The following CUBN variants were observed in gnomAD, a reference collection of about 807,000 sequenced individuals.
CUBN encodes cubilin.
In CUBN, 282 loss-of-function variants were observed where a neutral mutation model predicts 405.3. The ratio of observed to expected loss-of-function variants is 0.70; its 90% confidence interval spans 0.63 to 0.77. The LOEUF is 0.77. CUBN is among the 30% of genes least tolerant of loss of function. The probability of loss-of-function intolerance (pLI) is 0.00; values close to 1 mark genes in which losing one functional copy is unlikely to be tolerated. For synonymous variants in CUBN, 1,684 were observed against 1,617.0 expected (o/e 1.04, Z -0.99); for missense variants, 4,514 against 4,475.2 (o/e 1.01, Z -0.25).
At chr10:16,888,969 T>C (rs1395841279) in intron 55 of CUBN, among the ~76,000 whole-genome samples, 1 of 152,242 alleles carries the variant, frequency 6.6e-6, no homozygotes, top group African/African-American at 2.4e-5. Context: ...AATGTCTTAT[T>C]ATTAGAAAAC....
In CUBN at chr10:16,863,868, G is replaced by C. The variant is rs60931778; in HGVS notation, c.9454+5768C>G. Among the ~76,000 whole-genome samples, 515 of 152,156 alleles carry C rather than the reference G, an allele frequency of 3.4e-3. 5 individuals carry two copies. The highest frequency in any genetic ancestry group is 0.012 in the African/African-American group (499 of 41,492). ...CTGTCTTCATTTAACGTGTTTGAGAGACATTTTCCAGATGTTAAGGTAACA... is the reference window on the plus strand; with the variant it reads ...CTGTCTTCATTTAACGTGTTTGAGACACATTTTCCAGATGTTAAGGTAACA... On this transcript the variant is annotated intron_variant, in intron 59 of 66. Transcript: ENST00000377833.
chr10:17,017,554 G>A (rs1029829967), intron 28 of CUBN, among the ~76,000 whole-genome samples: 1 of 152,154 alleles, frequency 6.6e-6, no homozygotes, highest in Non-Finnish European at 1.5e-5. Context: ...GATGCCTTTT[G>A]TCCTCACTTA....
At chr10:16,872,570 T>C (rs1411172971) in intron 58 of CUBN, among the ~76,000 whole-genome samples, 1 of 152,142 alleles carries the variant, frequency 6.6e-6, no homozygotes, top group Non-Finnish European at 1.5e-5. Flanking sequence ...TTCCAGCTCA[T>C]GAAGACACAG....
intron 56 of CUBN, among the ~76,000 whole-genome samples, chr10:16,886,414 A>G (rs1315633992): frequency 6.6e-6 from 1 of 152,248 alleles, no homozygotes. Context: ...AATTTCGAAT[A>G]TACCGAGGTA....
chr10:16,841,037 C>G lies in CUBN; in HGVS notation c.9674G>C (p.Gly3225Ala). Residue 3225 changes from glycine (G) to alanine (A), a missense_variant, in exon 61 of 67, where the codon GGG becomes GCG. Coordinates refer to ENST00000377833, the MANE Select transcript of CUBN (RefSeq NM_001081.4). ...CLYDYVKLYD[G>A]DSENANLAGT... ...AGCCAAGTTCGCATTTTCACTATCC[C>G]CATCATATAACTGAGAAGAAAAACA... 2 of 1,613,930 alleles carry G rather than the reference C, an allele frequency of 1.2e-6. No homozygotes were observed. The highest frequency in any genetic ancestry group is 8.5e-7 in the Non-Finnish European group (1 of 1,179,914).
At chr10:16,946,166 T>A (rs1026406904) in intron 36 of CUBN, among the ~76,000 whole-genome samples, 1 of 152,192 alleles carries the variant, frequency 6.6e-6, no homozygotes, top group Non-Finnish European at 1.5e-5. Context: ...TAAATTTCAA[T>A]TCAAAACGGC....
intron 66 of CUBN, among the ~76,000 whole-genome samples, chr10:16,827,790 G>A (rs1330392649): frequency 6.6e-6 from 1 of 152,178 alleles, no homozygotes; most frequent in Non-Finnish European, 1.5e-5. Context: ...TAGTAGAGAC[G>A]GGGTTTCCCC....
chr10:17,049,740 C>A (rs11254343), intron 22 of CUBN, among the ~76,000 whole-genome samples: 4,140 of 152,224 alleles, frequency 0.027, 199 homozygotes, highest in African/African-American at 0.096. Context: ...ACAACCCCTG[C>A]CAATACACAG....
intron 39 of CUBN, among the ~76,000 whole-genome samples, chr10:16,936,779 C>A (rs1040127507): frequency 3.3e-5 from 5 of 152,184 alleles, no homozygotes; most frequent in Non-Finnish European, 5.9e-5. Context: ...GTGGCATGTT[C>A]TCGGCTCACT....
Position 16,835,165 on chromosome 10 carries a change from C to T in CUBN, c.10211G>A (p.Gly3404Asp), listed in dbSNP as rs1158987442. 1 of 1,613,902 alleles carries T rather than the reference C, an allele frequency of 6.2e-7. No individual in the cohort carries two copies. The highest frequency in any genetic ancestry group is 1.3e-5 in the African/African-American group (1 of 74,884). The change falls in exon 64 of 67, where the codon GGC becomes GAC. Residue 3404 changes from glycine to aspartate, a missense_variant. Transcript: ENST00000377833. ...DCNRDYHKAF[G>D]NLRSPGWPDN... ...TGGCCATCCAGGGCTTCTCAGGTTG[C>T]CAAATGCCTTGTGATAGTCTCTGTT...
At chr10:17,050,753 C>A (rs1337335883) in intron 22 of CUBN, among the ~76,000 whole-genome samples, 2 of 152,108 alleles carry the variant, frequency 1.3e-5, no homozygotes, top group Admixed American at 6.5e-5. Context: ...GAGTAGGGCT[C>A]TCTAGAACTT....
At chr10:17,054,317 G>C (rs1381762873) in intron 22 of CUBN, among the ~76,000 whole-genome samples, 1 of 125,436 alleles carries the variant, frequency 8.0e-6, no homozygotes, top group Non-Finnish European at 1.6e-5. Context: ...GGCAACGAGA[G>C]TGAAACTCCG....
At chr10:16,938,784 A>G (rs1842582861) in intron 38 of CUBN, among the ~76,000 whole-genome samples, 179 bp downstream of exon 38, 1 of 152,182 alleles carries the variant, frequency 6.6e-6, no homozygotes, top group Non-Finnish European at 1.5e-5. Flanking sequence ...GGAAAATAAT[A>G]AATACAATAC....
chr10:17,084,351 G>C lies in CUBN; in HGVS notation c.2221C>G (p.Pro741Ala). The C allele has an allele frequency of 6.2e-7, 1 of 1,614,164 alleles. No individual in the cohort carries two copies. Among genetic ancestry groups the C allele is most frequent in the Non-Finnish European group, 8.5e-7 (1 of 1,180,032 alleles). Residue 741 changes from proline (P) to alanine (A), a missense_variant, in exon 17 of 67, where the codon CCC becomes GCC. Pro to Ala is a conservative substitution (Grantham distance 27, BLOSUM62 -1). Around this residue, in one of 5 missense-constraint regions of CUBN, gnomAD observed 1,448 missense variants for 1,388.0 expected, o/e 1.04. Transcript: ENST00000377833. ...TRQCVYMMKQ[P>A]QGEQIQINFT... ...TTGATTTGTATTTGTTCTCCCTGGG[G>C]CTGCTTCATCATATAGACGCATTGC...
intron 13 of CUBN, among the ~76,000 whole-genome samples, 156 bp downstream of exon 13, chr10:17,102,969 T>A (rs1000841044): frequency 3.3e-5 from 5 of 152,100 alleles, no homozygotes; most frequent in African/African-American, 1.2e-4. Context: ...GGTAGGTATA[T>A]GTCTAGCCAA....
chr10:17,087,632 C>T (rs527384690), intron 15 of CUBN, among the ~76,000 whole-genome samples: 358 of 151,828 alleles, frequency 2.4e-3, no homozygotes, highest in Middle Eastern at 0.01. Context: ...CCCGCCACCT[C>T]GCCCAGCTAG....
At chr10:17,000,692 T>C (rs1464361014) in intron 28 of CUBN, among the ~76,000 whole-genome samples, 1 of 152,258 alleles carries the variant, frequency 6.6e-6, no homozygotes. Context: ...ATCGTGCTAC[T>C]TATTGCACGG....
intron 45 of CUBN, among the ~76,000 whole-genome samples, chr10:16,917,945 C>G (rs1841928746): frequency 6.6e-6 from 1 of 152,002 alleles, no homozygotes; most frequent in South Asian, 2.1e-4. Context: ...TAAGTCTTTA[C>G]TCCATCTTGA....
rs747884749 is a variant in CUBN, at chr10:16,888,442, C to T, written c.8880G>A (p.Leu2960=). ...IEANPLSVVL[L]TFVSFHLEAR... ...CTTCTAAGTGGAAGGACACAAAAGTCAAGAGGACCACTGACAGAGGATTAG... is the reference window on the plus strand; with the variant it reads ...CTTCTAAGTGGAAGGACACAAAAGTTAAGAGGACCACTGACAGAGGATTAG... The change falls in exon 56 of 67, where the codon TTG becomes TTA. Residue 2960 remains leucine, a synonymous_variant. Transcript: ENST00000377833. 8 of 1,613,524 alleles carry T rather than the reference C, an allele frequency of 5.0e-6. No individual in the cohort carries two copies. In the East Asian group the frequency reaches 1.6e-4, roughly 32 times the overall value.
Sources: allele counts gnomAD v4.1 joint callset (sites outside exome capture counted in the v4.1 genomes callset), GRCh38; gene constraint gnomAD v4.1.1; regional missense constraint gnomAD v4.1.1; transcripts MANE v1.5; gene names NCBI Gene and HGNC (gene_info 2026-07-23, HGNC 2026-07-21).